Variants in FBXO3 observed in about 807,000 individuals in gnomAD.
FBXO3 encodes the protein F-box only protein 3.
In FBXO3, 17 loss-of-function variants were observed where a neutral mutation model predicts 64.8. The ratio of observed to expected loss-of-function variants is 0.26; its 90% CI spans 0.18 to 0.39. The LOEUF is 0.39. Ranked by LOEUF, FBXO3 falls within the 10% of genes least tolerant of loss-of-function variation. The probability of loss-of-function intolerance (pLI) is 1.00; values close to 1 mark genes in which losing one functional copy is unlikely to be tolerated. For missense variants in FBXO3, 420 were observed against 589.9 expected, an observed-to-expected ratio of 0.71 and a Z score of 2.98; for synonymous variants, 182 against 201.6, an observed-to-expected ratio of 0.90 and a Z score of 0.82.
intron 3 of FBXO3, among the ~76,000 whole-genome samples, chr11:33,767,324 G>C (rs1422850006): frequency 3.9e-5 from 6 of 152,152 alleles, no homozygotes; most frequent in African/African-American, 1.2e-4. Context: ...TTTTGAGATG[G>C]AGTCTTGCTC....
In FBXO3 at chr11:33,751,310, C is replaced by T. The variant is rs182651297; in HGVS notation, c.809+213G>A. On this transcript the variant is annotated intron_variant, in intron 7 of 10. Coordinates refer to ENST00000265651, the MANE Select transcript of FBXO3 (RefSeq NM_012175.4). ...CAAAATCAGCTTTTTCTTGATTCTT[C>T]TGGATAGGAAAAATACCAGTTGTCT... Among the ~76,000 whole-genome samples, 23 of 152,164 alleles carry T rather than the reference C, an allele frequency of 1.5e-4. No homozygotes were observed. In the East Asian group the frequency reaches 3.9e-3, roughly 26 times the overall value.
intron 8 of FBXO3, among the ~76,000 whole-genome samples, chr11:33,749,352 G>A (rs1438229716): frequency 6.8e-6 from 1 of 148,110 alleles, no homozygotes; most frequent in Non-Finnish European, 1.5e-5. Context: ...CCAGTTACTG[G>A]GATTACACTT....
Position 33,768,873 on chromosome 11 carries a change from A to T in FBXO3, c.336T>A (p.Pro112=). Residue 112 remains proline, a synonymous_variant, in exon 3 of 11, where the codon CCT becomes CCA. Coordinates refer to ENST00000265651, the MANE Select transcript of FBXO3 (RefSeq NM_012175.4). ...TACCTTTCAGAGATAAAACCATCCGAGGACACCTGGGCTCCAAATATTTCT... is the reference window on the plus strand; with the variant it reads ...TACCTTTCAGAGATAAAACCATCCGTGGACACCTGGGCTCCAAATATTTCT... ...DLKKYLEPRC[P]RMVLSLKEGA... The T allele has an allele frequency of 6.2e-7, 1 of 1,614,066 alleles. No homozygotes were observed. Among genetic ancestry groups the T allele is most frequent in the Non-Finnish European group, 8.5e-7 (1 of 1,179,948 alleles).
At chr11:33,757,826 T>C (rs1170086952) in intron 4 of FBXO3, among the ~76,000 whole-genome samples, 1 of 151,580 alleles carries the variant, frequency 6.6e-6, no homozygotes, top group Non-Finnish European at 1.5e-5. Flanking sequence ...GGCATGGTGG[T>C]GCGCCTGTAC....
chr11:33,756,134 T>A (rs1855091141), intron 4 of FBXO3, among the ~76,000 whole-genome samples, 159 bp from the exon 5 acceptor site: 2 of 152,248 alleles, frequency 1.3e-5, no homozygotes, highest in African/African-American at 4.8e-5. Context: ...AATTTCTAAA[T>A]ATTTAATTCA....
intron 4 of FBXO3, 105 bp downstream of exon 4, chr11:33,758,382 A>T (rs1300598158): frequency 2.9e-6 from 2 of 683,990 alleles, no homozygotes; most frequent in Non-Finnish European, 2.3e-6. Flanking sequence ...GGGAATTCCC[A>T]TGCTTCTTTA....
chr11:33,768,832 G>C lies in FBXO3; in HGVS notation c.358+19C>G. ...TAACAGTAATGGAAACGGGGAAAGGGACCCTGAATTCCCAGTACCTTTCAG... is the reference window on the plus strand; with the variant it reads ...TAACAGTAATGGAAACGGGGAAAGGCACCCTGAATTCCCAGTACCTTTCAG... On this transcript the variant is annotated intron_variant, in intron 3 of 10. Transcript: ENST00000265651. 1 of 1,613,548 alleles carries C rather than the reference G, an allele frequency of 6.2e-7. No individual in the cohort carries two copies. Among genetic ancestry groups the C allele is most frequent in the Non-Finnish European group, 8.5e-7 (1 of 1,179,556 alleles).
rs145480518 is a variant in FBXO3, at chr11:33,768,857, G to C, written c.352C>G (p.Leu118Val). The C allele has an allele frequency of 4.1e-5, 66 of 1,613,852 alleles. No homozygotes were observed. Among genetic ancestry groups the C allele is most frequent in the Non-Finnish European group, 5.3e-5 (62 of 1,179,912 alleles). ...GACCCTGAATTCCCAGTACCTTTCA[G>C]AGATAAAACCATCCGAGGACACCTG... ...EPRCPRMVLS[L>V]KEGAREEDLD... Residue 118 changes from leucine (L) to valine (V), a missense_variant, in exon 3 of 11, where the codon CTG becomes GTG. Leu to Val is a conservative substitution (Grantham distance 32, BLOSUM62 1). Transcript: ENST00000265651.
intron 6 of FBXO3, chr11:33,753,127 A>G (rs1855004912): frequency 6.6e-6 from 1 of 152,190 alleles, no homozygotes; most frequent in Admixed American, 6.5e-5. Context: ...AAGTAAGCCC[A>G]TGTGTTGGGG....
intron 6 of FBXO3, chr11:33,754,066 C>T (rs928698375): frequency 6.3e-6 from 1 of 158,970 alleles, no homozygotes; most frequent in African/African-American, 2.4e-5. Context: ...CTTAATGCTA[C>T]TGCATTAGCA....
chr11:33,750,625 C>A lies in FBXO3; in HGVS notation c.846G>T (p.Gly282=), dbSNP rs781747911. 6.2e-7 allele frequency: 1 copy of A among 1,613,518 alleles called. No homozygotes were observed. The highest frequency in any genetic ancestry group is 1.1e-5 in the South Asian group (1 of 91,050). ...ATGTGGAAACTGACACAGTAATATCCCCAGTTGTTGCTACACATTCTGGAT... is the reference window on the plus strand; with the variant it reads ...ATGTGGAAACTGACACAGTAATATCACCAGTTGTTGCTACACATTCTGGAT... ...VHDPECVATT[G]DITVSVSTSF... is the part of the protein sequence containing the mutation. The change falls in exon 8 of 11, where the codon GGG becomes GGT. Residue 282 remains glycine, a synonymous_variant. Coordinates refer to ENST00000265651, the MANE Select transcript of FBXO3 (RefSeq NM_012175.4).
At position 33,769,002 on chromosome 11, in the gene FBXO3, T is replaced by C; in HGVS notation, c.207A>G (p.Thr69=). The change falls in exon 3 of 11, where the codon ACA becomes ACG. Residue 69 remains threonine (T), a synonymous_variant. Transcript: ENST00000265651. The stretch of plus-strand genomic sequence containing the variant: ...GAGATTTCCAACACTGATTCTTCTG[T>C]GTTTTCTCTTCCCTAAATAGATGAA... ...KYWLISEEEK[T]QKNQCWKSLF... is the part of the protein sequence containing the mutation. 6.2e-7 allele frequency: 1 copy of C among 1,610,774 alleles called. No individual in the cohort carries two copies.
chr11:33,761,879 T>C (rs964764588), intron 3 of FBXO3, among the ~76,000 whole-genome samples: 4 of 152,186 alleles, frequency 2.6e-5, no homozygotes, highest in Admixed American at 2.6e-4. Context: ...CCAGCTTGCT[T>C]ATTCAAAGTC....
At chr11:33,742,144 A>C in intron 10 of FBXO3, 60 bp from the exon 11 acceptor site, 2 of 1,410,404 alleles carry the variant, frequency 1.4e-6, no homozygotes, top group South Asian at 1.5e-5. Flanking sequence ...TAGTTATTTC[A>C]TGTAAATTCT....
intron 3 of FBXO3, 43 bp from the exon 4 acceptor site, chr11:33,758,644 T>A (rs779138159): frequency 1.4e-6 from 2 of 1,384,518 alleles, no homozygotes; most frequent in South Asian, 2.6e-5. Context: ...GAAACAGCCT[T>A]AAATCTAAGA....
At chr11:33,765,686 G>T (rs528548784) in intron 3 of FBXO3, among the ~76,000 whole-genome samples, 22 of 152,282 alleles carry the variant, frequency 1.4e-4, no homozygotes, top group African/African-American at 5.1e-4. Context: ...CTGGTGGGAG[G>T]TGATTGGATC....
intron 3 of FBXO3, among the ~76,000 whole-genome samples, chr11:33,763,730 T>G (rs1341265928): frequency 6.6e-6 from 1 of 151,508 alleles, no homozygotes; most frequent in Admixed American, 6.6e-5. Flanking sequence ...CCCGCTATCC[T>G]ATCATTACTC....
At chr11:33,773,860 G>T (rs1855570516) in intron 1 of FBXO3, 1 of 153,594 alleles carries the variant, frequency 6.5e-6, no homozygotes, top group African/African-American at 2.4e-5. Flanking sequence ...ACTGAAGTCC[G>T]AAAGTGAGCC....
At chr11:33,744,114 A>C (rs1344658393) in intron 10 of FBXO3, 3 of 152,196 alleles carry the variant, frequency 2.0e-5, no homozygotes, top group Non-Finnish European at 2.9e-5. Flanking sequence ...TTATCTTTGG[A>C]TTTATTTTTT....
Sources: gnomAD v4.1 joint callset for allele counts (sites outside exome capture counted in the v4.1 genomes callset) on GRCh38, gnomAD v4.1.1 for gene constraint, MANE v1.5 for transcripts, NCBI Gene and HGNC (gene_info 2026-07-23, HGNC 2026-07-21) for gene names.